Variants in ACVR1 observed in about 807,000 individuals in gnomAD.
ACVR1 encodes the protein activin A receptor type 1.
A neutral mutation model predicts 57.1 loss-of-function variants in ACVR1; 38 were observed. The ratio of observed to expected loss-of-function variants is 0.67; its 90% CI spans 0.51 to 0.87. ACVR1 has a LOEUF of 0.87. Ranked by LOEUF, ACVR1 falls within the 40% of genes least tolerant of loss-of-function variation. ACVR1 has a pLI of 0.00. For missense variants in ACVR1, 463 were observed against 638.2 expected (o/e 0.73, Z 2.96); for synonymous variants, 212 against 228.1 (o/e 0.93, Z 0.63).
intron 3 of ACVR1, among the ~76,000 whole-genome samples, chr2:157,782,929 G>C (rs146037858): frequency 1.1e-4 from 17 of 152,264 alleles, no homozygotes; most frequent in South Asian, 1.0e-3. Flanking sequence ...GGGGATAAGG[G>C]GTTAGCACTG....
At chr2:157,818,951 G>A (rs113751101) in intron 1 of ACVR1, among the ~76,000 whole-genome samples, 2,557 of 149,846 alleles carry the variant, frequency 0.017, 43 homozygotes, top group Non-Finnish European at 0.027. Flanking sequence ...AGTGGCGGGC[G>A]CCTGTAGTCC....
At chr2:157,801,134 T>G (rs1231276364) in intron 2 of ACVR1, among the ~76,000 whole-genome samples, 3 of 152,210 alleles carry the variant, frequency 2.0e-5, no homozygotes, top group African/African-American at 7.2e-5. Flanking sequence ...TGTTTTTTCA[T>G]AAGAATGTTT....
chr2:157,756,712 C>T (rs895464879), intron 9 of ACVR1, among the ~76,000 whole-genome samples: 1 of 151,734 alleles, frequency 6.6e-6, no homozygotes, highest in Non-Finnish European at 1.5e-5. Context: ...CTAGTGGGAA[C>T]GTAAACTAGT....
rs1401511521 is a variant in ACVR1 at position 157,771,435 on chromosome 2, A to C, written c.644-921T>G. ...TTCTCTTTAATTATAGGTAGGGGTGATCAGGGAGGTTGGAGGAGGAGGTAA... is the reference window on the plus strand; with the variant it reads ...TTCTCTTTAATTATAGGTAGGGGTGCTCAGGGAGGTTGGAGGAGGAGGTAA... On this transcript the variant is annotated intron_variant, in intron 6 of 10. Coordinates refer to ENST00000434821, the MANE Select transcript of ACVR1 (RefSeq NM_001111067.4). Among the ~76,000 whole-genome samples, 4 of 152,138 alleles carry C rather than the reference A, an allele frequency of 2.6e-5. No individual in the cohort carries two copies. In the East Asian group the frequency reaches 7.7e-4, roughly 29 times the overall value.
intron 1 of ACVR1, among the ~76,000 whole-genome samples, chr2:157,832,993 C>T (rs1010887610): frequency 6.6e-6 from 1 of 152,148 alleles, no homozygotes. Context: ...CATTTTAACA[C>T]CATTCTCATT....
rs1437203206 is a variant in ACVR1 at position 157,765,900 on chromosome 2, A to G, written c.1066+21T>C. The G allele has an allele frequency of 3.7e-6, 6 of 1,613,472 alleles. No individual in the cohort carries two copies. The African/African-American group carries it at 8.0e-5, about 22-fold the overall frequency. Reference sequence around the variant, plus strand: ...AACAAAAATAAAACTGGTGAGGAAAAAAATATTTTTAGAAATTTACCCAAA... The same window carrying G: ...AACAAAAATAAAACTGGTGAGGAAAGAAATATTTTTAGAAATTTACCCAAA... On this transcript the variant is annotated intron_variant, in intron 8 of 10. Coordinates refer to ENST00000434821, the MANE Select transcript of ACVR1 (RefSeq NM_001111067.4).
At position 157,819,035 on chromosome 2, in the gene ACVR1, G is replaced by A. The variant is rs1688053022; in HGVS notation, c.-182-476C>T. Among the ~76,000 whole-genome samples the A allele has an allele frequency of 9.8e-5, 11 of 112,486 alleles. No homozygotes were observed. In the Admixed American group the frequency reaches 1.2e-3, roughly 13 times the overall value. 73.8% of individuals were successfully genotyped at this position (112,486 alleles called of 152,430 possible). ...GGAGCTTGCAGTGAGCCGAGATCCCGCCACTGCACTCCAGCCTGGGTGACA... is the reference window on the plus strand; with the variant it reads ...GGAGCTTGCAGTGAGCCGAGATCCCACCACTGCACTCCAGCCTGGGTGACA... On this transcript the variant is annotated intron_variant, in intron 1 of 10. Transcript: ENST00000434821.
intron 2 of ACVR1, among the ~76,000 whole-genome samples, chr2:157,817,363 T>C (rs776893195): frequency 2.6e-4 from 40 of 152,168 alleles, no homozygotes; most frequent in Non-Finnish European, 4.9e-4. Context: ...AGCCCAGTGA[T>C]TGCCAAGGGC....
intron 1 of ACVR1, among the ~76,000 whole-genome samples, chr2:157,857,695 ATACTTAATCACAAGCAGCC>A (rs1291326830): frequency 6.6e-6 from 1 of 152,244 alleles, no homozygotes; most frequent in African/African-American, 2.4e-5. Context: ...CAAAGGCTGA[ATACTTAATCACAAGCAGCC>A]TTGTCAGCAC....
intron 1 of ACVR1, among the ~76,000 whole-genome samples, chr2:157,848,193 T>C (rs1431931227): frequency 6.6e-6 from 1 of 152,256 alleles, no homozygotes; most frequent in South Asian, 2.1e-4. Flanking sequence ...GGGATCTATA[T>C]CTCCTTCTCT....
At chr2:157,761,168 C>T (rs1685637474) in intron 8 of ACVR1, 91 bp from the exon 9 acceptor site, 6 of 1,273,770 alleles carry the variant, frequency 4.7e-6, no homozygotes, top group Non-Finnish European at 6.7e-6. Flanking sequence ...ATCAAAAGTG[C>T]CCTCTTGTGG....
At chr2:157,768,319 A>C (rs1474438696) in intron 7 of ACVR1, among the ~76,000 whole-genome samples, 3 of 152,156 alleles carry the variant, frequency 2.0e-5, no homozygotes, top group Non-Finnish European at 4.4e-5. Context: ...TAATAAAGAA[A>C]ATGTTTCTGC....
chr2:157,834,226 G>A (rs958988728), intron 1 of ACVR1, among the ~76,000 whole-genome samples: 1 of 152,110 alleles, frequency 6.6e-6, no homozygotes, highest in African/African-American at 2.4e-5. Flanking sequence ...TGAGTAGCTG[G>A]GATTACAGGT....
intron 2 of ACVR1, among the ~76,000 whole-genome samples, chr2:157,801,484 C>G (rs1687325833): frequency 6.6e-6 from 1 of 152,164 alleles, no homozygotes; most frequent in Non-Finnish European, 1.5e-5. Context: ...TCTACTGGTT[C>G]TTCCTTAACC....
At chr2:157,841,380 G>A (rs1688967752) in intron 1 of ACVR1, among the ~76,000 whole-genome samples, 1 of 152,156 alleles carries the variant, frequency 6.6e-6, no homozygotes, top group Non-Finnish European at 1.5e-5. Flanking sequence ...GGATGAAGCA[G>A]GGGGGAAGAC....
chr2:157,777,261 A>C (rs539170675), intron 5 of ACVR1, among the ~76,000 whole-genome samples: 1 of 152,212 alleles, frequency 6.6e-6, no homozygotes, highest in African/African-American at 2.4e-5. Flanking sequence ...TTTAATGTAT[A>C]AATACAATAG....
chr2:157,835,800 C>A (rs886203514), intron 1 of ACVR1, among the ~76,000 whole-genome samples: 34 of 152,294 alleles, frequency 2.2e-4, no homozygotes, highest in African/African-American at 7.7e-4. Context: ...AAAGGGAAAC[C>A]TTCACATTGA....
chr2:157,795,622 C>G (rs1232154365), intron 3 of ACVR1, among the ~76,000 whole-genome samples: 1 of 152,074 alleles, frequency 6.6e-6, no homozygotes, highest in African/African-American at 2.4e-5. Flanking sequence ...AATAGCAAAA[C>G]CTTAAGGGTC....
chr2:157,851,285 G>T (rs1036174796), intron 1 of ACVR1, among the ~76,000 whole-genome samples: 2 of 152,090 alleles, frequency 1.3e-5, no homozygotes, highest in African/African-American at 4.8e-5. Context: ...AAAAAACTGA[G>T]ATTTCTGTGG....
Sources: gnomAD v4.1 joint callset for allele counts (sites outside exome capture counted in the v4.1 genomes callset) on GRCh38, gnomAD v4.1.1 for gene constraint, MANE v1.5 for transcripts, NCBI Gene and HGNC (gene_info 2026-07-23, HGNC 2026-07-21) for gene names.